The following ZNF385B variants were observed in gnomAD, a reference collection of about 807,000 sequenced individuals.
The protein encoded by ZNF385B is zinc finger protein 385B, also known as zinc finger protein 533.
ZNF385B carries 23 observed loss-of-function variants against 39.2 expected under a neutral mutation model. That is an observed-to-expected ratio of 0.59 (90% CI 0.42 to 0.83). The LOEUF is 0.83. ZNF385B is among the 40% of genes least tolerant of loss of function. ZNF385B has a pLI of 0.00. For missense variants in ZNF385B, 552 were observed against 598.9 expected (o/e 0.92, Z 0.82); for synonymous variants, 205 against 222.6 (o/e 0.92, Z 0.70).
chr2:179,816,401 C>A (rs1215043155), intron 1 of ZNF385B, among the ~76,000 whole-genome samples: 2 of 152,210 alleles, frequency 1.3e-5, no homozygotes, highest in African/African-American at 4.8e-5. Flanking sequence ...GCAATCTGTT[C>A]TCCCCATTGT....
chr2:179,745,540 G>A (rs1481062781), intron 3 of ZNF385B, among the ~76,000 whole-genome samples: 1 of 152,086 alleles, frequency 6.6e-6, no homozygotes, highest in African/African-American at 2.4e-5. Flanking sequence ...GAGTTACTTC[G>A]CAACAAAATT....
At chr2:179,494,274 T>C (rs2055909230) in intron 5 of ZNF385B, among the ~76,000 whole-genome samples, 2 of 152,138 alleles carry the variant, frequency 1.3e-5, no homozygotes, top group Admixed American at 6.6e-5. Context: ...AGATGCAGAA[T>C]CACAGGGGTG....
At chr2:179,842,928 G>A (rs1708612445) in intron 1 of ZNF385B, among the ~76,000 whole-genome samples, 1 of 152,162 alleles carries the variant, frequency 6.6e-6, no homozygotes, top group African/African-American at 2.4e-5. Context: ...ACTTTGGTGT[G>A]GAGGGAGCCT....
intron 3 of ZNF385B, among the ~76,000 whole-genome samples, chr2:179,763,191 G>T (rs1272845142): frequency 6.6e-6 from 1 of 152,090 alleles, no homozygotes; most frequent in Non-Finnish European, 1.5e-5. Context: ...GGGGTGAGCT[G>T]CCACACCTGG....
intron 1 of ZNF385B, among the ~76,000 whole-genome samples, chr2:179,835,603 C>T (rs1708206961): frequency 6.6e-6 from 1 of 152,116 alleles, no homozygotes; most frequent in African/African-American, 2.4e-5. Flanking sequence ...CTATCTGCCC[C>T]TGTCAGTTCT....
At chr2:179,804,024 G>A (rs1234363321) in intron 1 of ZNF385B, among the ~76,000 whole-genome samples, 4 of 152,146 alleles carry the variant, frequency 2.6e-5, no homozygotes, top group Non-Finnish European at 5.9e-5. Context: ...ATCCAAAGCA[G>A]CTCTGGCAAC....
At chr2:179,788,372 T>A (rs1012633371) in intron 1 of ZNF385B, among the ~76,000 whole-genome samples, 1 of 152,184 alleles carries the variant, frequency 6.6e-6, no homozygotes, top group Non-Finnish European at 1.5e-5. Flanking sequence ...GTAACAAAGA[T>A]AGATTTAGAC....
chr2:179,673,445 G>A (rs1048937143), intron 3 of ZNF385B, among the ~76,000 whole-genome samples: 2 of 152,110 alleles, frequency 1.3e-5, no homozygotes, highest in Admixed American at 6.5e-5. Flanking sequence ...ATTATGGATA[G>A]TAGACCCCAT....
At chr2:179,471,448 A>C (rs2052765839) in intron 6 of ZNF385B, among the ~76,000 whole-genome samples, 1 of 152,196 alleles carries the variant, frequency 6.6e-6, no homozygotes, top group African/African-American at 2.4e-5. Context: ...GGCTAAAAAC[A>C]CATTTTTATT....
chr2:179,465,999 A>C (rs576826749), intron 6 of ZNF385B, among the ~76,000 whole-genome samples: 1 of 152,316 alleles, frequency 6.6e-6, no homozygotes, highest in African/African-American at 2.4e-5. Flanking sequence ...CTCAGAAATA[A>C]AAATATAAGA....
At chr2:179,471,051 A>G (rs2052715275) in intron 6 of ZNF385B, among the ~76,000 whole-genome samples, 1 of 152,158 alleles carries the variant, frequency 6.6e-6, no homozygotes, top group African/African-American at 2.4e-5. Context: ...AAAAGCCTTA[A>G]AATGATATTA....
chr2:179,843,846 A>G (rs1708668510), intron 1 of ZNF385B, among the ~76,000 whole-genome samples: 1 of 152,230 alleles, frequency 6.6e-6, no homozygotes, highest in African/African-American at 2.4e-5. Context: ...GGCTGGTTTC[A>G]CCCTGAATTT....
chr2:179,466,370 G>A (rs2052016279), intron 6 of ZNF385B, among the ~76,000 whole-genome samples: 1 of 151,828 alleles, frequency 6.6e-6, no homozygotes, highest in East Asian at 1.9e-4. Context: ...ATATACCTCT[G>A]CCTGACAATC....
intron 3 of ZNF385B, among the ~76,000 whole-genome samples, chr2:179,596,673 G>T (rs1019063284): frequency 2.6e-5 from 4 of 152,174 alleles, no homozygotes; most frequent in Admixed American, 2.6e-4. Flanking sequence ...GCAAAGAGTT[G>T]TACAACCACA....
chr2:179,787,617 A>C (rs886788082), intron 1 of ZNF385B, among the ~76,000 whole-genome samples: 2 of 152,156 alleles, frequency 1.3e-5, no homozygotes, highest in African/African-American at 4.8e-5. Context: ...TTCTTGTTAG[A>C]CACTAGTAAA....
chr2:179,497,998 T>C (rs72950593), intron 5 of ZNF385B, among the ~76,000 whole-genome samples: 20 of 152,150 alleles, frequency 1.3e-4, no homozygotes, highest in Admixed American at 8.5e-4. Context: ...AAGGGGTCAA[T>C]GCAGCAAAAT....
At chr2:179,804,695 G>T (rs1706240536) in intron 1 of ZNF385B, among the ~76,000 whole-genome samples, 1 of 152,194 alleles carries the variant, frequency 6.6e-6, no homozygotes, top group South Asian at 2.1e-4. Flanking sequence ...AGCAGGATGT[G>T]CTGGGCACAC....
intron 3 of ZNF385B, among the ~76,000 whole-genome samples, chr2:179,630,314 C>A (rs1269121634): frequency 6.6e-6 from 1 of 152,224 alleles, no homozygotes. Flanking sequence ...ATAAAGCTTC[C>A]AGAGGAAGGA....
intron 3 of ZNF385B, among the ~76,000 whole-genome samples, chr2:179,645,005 T>C (rs1692594638): frequency 6.6e-6 from 1 of 152,220 alleles, no homozygotes; most frequent in South Asian, 2.1e-4. Flanking sequence ...TATTATTTAT[T>C]GGCAAGAGAT....
Sources: allele counts gnomAD v4.1 joint callset (sites outside exome capture counted in the v4.1 genomes callset), GRCh38; gene constraint gnomAD v4.1.1; transcripts MANE v1.5; gene names NCBI Gene and HGNC (gene_info 2026-07-23, HGNC 2026-07-21).